THSD7B: variants seen among roughly 807,000 people sequenced by gnomAD.
The protein encoded by THSD7B is thrombospondin type 1 domain containing 7B, also known as thrombospondin type-1 domain-containing protein 7B.
Under a neutral mutation model 213.6 loss-of-function variants are expected in THSD7B, and 138 were observed. The ratio of observed to expected loss-of-function variants is 0.65; its 90% CI spans 0.56 to 0.74. The LOEUF is 0.74. Ranked by LOEUF, THSD7B falls within the 30% of genes least tolerant of loss-of-function variation. The pLI, the probability that THSD7B is intolerant of heterozygous loss-of-function variation, is 0.00. For missense variants in THSD7B, 1,931 were observed against 1,991.5 expected (o/e 0.97, Z 0.58); for synonymous variants, 742 against 687.0 (o/e 1.08, Z -1.25).
At position 137,405,740 on chromosome 2, in the gene THSD7B, T is replaced by G. The variant is rs749042404; in HGVS notation, c.2628T>G (p.Ala876=). 6.2e-7 allele frequency: 1 copy of G among 1,613,744 alleles called. No homozygotes were observed. The highest frequency in any genetic ancestry group is 1.1e-5 in the South Asian group (1 of 91,064). The change falls in exon 13 of 28, where the codon GCT becomes GCG. Residue 876 remains alanine, a synonymous_variant. Transcript: ENST00000409968. Reference sequence around the variant, plus strand: ...GTCGAGAAGACTGCACCTTCACTGCTTGGTCCAAGTTTACGCCCTGCTCCA... The same window carrying G: ...GTCGAGAAGACTGCACCTTCACTGCGTGGTCCAAGTTTACGCCCTGCTCCA... ...VPCREDCTFT[A]WSKFTPCSTN...
chr2:137,304,455 G>T (rs1683693571), intron 12 of THSD7B, among the ~76,000 whole-genome samples: 1 of 151,576 alleles, frequency 6.6e-6, no homozygotes, highest in Admixed American at 6.6e-5. Context: ...TCTAGATTTA[G>T]AAATAATAAT....
chr2:137,578,711 T>G (rs960146993), intron 17 of THSD7B, among the ~76,000 whole-genome samples: 2 of 152,164 alleles, frequency 1.3e-5, no homozygotes, highest in Non-Finnish European at 2.9e-5. Flanking sequence ...TGTCTAGGAC[T>G]GGTTATTGGC....
chr2:137,606,611 T>C lies in THSD7B; in HGVS notation c.3424-9564T>C, dbSNP rs1036314197. Among the ~76,000 whole-genome samples, 7 of 152,138 alleles carry C rather than the reference T, an allele frequency of 4.6e-5. 1 individual carries two copies. The highest frequency in any genetic ancestry group is 1.3e-4 in the Admixed American group (2 of 15,274). On this transcript the variant is annotated intron_variant, in intron 17 of 27. Transcript: ENST00000409968. ...CTAGAGAAAGACCCAGTACCCCTAC[T>C]CTGCTGGCAGAGACTGGAATTTTTG...
chr2:137,013,400 T>G (rs943588531), intron 2 of THSD7B, among the ~76,000 whole-genome samples: 1 of 152,076 alleles, frequency 6.6e-6, no homozygotes. Flanking sequence ...GCAAACTTCA[T>G]GAGTTGAGAA....
At chr2:136,876,287 G>A (rs1191596728) in intron 1 of THSD7B, among the ~76,000 whole-genome samples, 1 of 152,088 alleles carries the variant, frequency 6.6e-6, no homozygotes, top group African/African-American at 2.4e-5. Context: ...GCTTTCCCAG[G>A]GGTATATTTT....
intron 12 of THSD7B, among the ~76,000 whole-genome samples, chr2:137,365,400 G>T (rs376586739): frequency 3.9e-5 from 6 of 151,936 alleles, no homozygotes; most frequent in East Asian, 1.9e-4. Flanking sequence ...TGGGATCTAA[G>T]TAAACTAAAG....
Position 137,094,863 on chromosome 2 carries a change from T to C in THSD7B, c.951-10T>C. 6.2e-7 allele frequency: 1 copy of C among 1,607,666 alleles called. No homozygotes were observed. The highest frequency in any genetic ancestry group is 8.5e-7 in the Non-Finnish European group (1 of 1,175,348). ...TATGGCCTCCTATTTTCTACTTCTG[T>C]TTTTTTCAGCCTTTGCCTTCAAGAT... On this transcript the variant is annotated splice_polypyrimidine_tract_variant and intron_variant, in intron 3 of 27. Transcript: ENST00000409968.
At chr2:137,586,791 C>G (rs1054075641) in intron 17 of THSD7B, among the ~76,000 whole-genome samples, 2 of 152,104 alleles carry the variant, frequency 1.3e-5, no homozygotes, top group Non-Finnish European at 2.9e-5. Flanking sequence ...TTTCAACTTT[C>G]GTGAATCTGA....
chr2:137,140,075 G>C (rs2104962993), intron 5 of THSD7B, among the ~76,000 whole-genome samples: 1 of 151,442 alleles, frequency 6.6e-6, no homozygotes, highest in Non-Finnish European at 1.5e-5. Context: ...AATGTTGCCT[G>C]TCCTAAGAAT....
At chr2:137,546,385 ATTATATATATTATATATAT>A (rs1680715628) in intron 15 of THSD7B, among the ~76,000 whole-genome samples, 1 of 34,716 alleles carries the variant, frequency 2.9e-5, no homozygotes, top group African/African-American at 1.6e-4. Flanking sequence ...TAATATATAT[ATTATATATATTATATATAT>A]TATATATATA....
intron 7 of THSD7B, among the ~76,000 whole-genome samples, chr2:137,226,556 CAT>C (rs914753888): frequency 5.9e-5 from 9 of 151,482 alleles, no homozygotes; most frequent in Non-Finnish European, 1.2e-4. Context: ...TGAGTATATT[CAT>C]ATGTTAAGAA....
intron 1 of THSD7B, among the ~76,000 whole-genome samples, chr2:136,838,197 GT>G (rs566294803): frequency 6.6e-6 from 1 of 151,766 alleles, no homozygotes; most frequent in Non-Finnish European, 1.5e-5. Flanking sequence ...GACCACATTT[GT>G]TTTTTTTGTT....
intron 20 of THSD7B, among the ~76,000 whole-genome samples, chr2:137,630,369 C>G (rs1156763187): frequency 6.6e-6 from 1 of 152,114 alleles, no homozygotes; most frequent in Non-Finnish European, 1.5e-5. Flanking sequence ...TTTTTAAGCA[C>G]CTACCCTCAA....
chr2:136,868,425 G>C, intron 1 of THSD7B, among the ~76,000 whole-genome samples: 1 of 152,098 alleles, frequency 6.6e-6, no homozygotes, highest in Non-Finnish European at 1.5e-5. Flanking sequence ...TAATGGAAGA[G>C]ACTGCTAGAA....
At chr2:136,914,905 TAA>T (rs1256231302) in intron 2 of THSD7B, among the ~76,000 whole-genome samples, 1 of 152,192 alleles carries the variant, frequency 6.6e-6, no homozygotes, top group Non-Finnish European at 1.5e-5. Flanking sequence ...TATAACTGTA[TAA>T]TTTTGAGCTA....
At chr2:137,234,651 C>G (rs1042536970) in intron 9 of THSD7B, among the ~76,000 whole-genome samples, 1 of 152,112 alleles carries the variant, frequency 6.6e-6, no homozygotes, top group Non-Finnish European at 1.5e-5. Context: ...TTGTTCCAAC[C>G]CTAGTCTAGC....
At chr2:137,492,016 T>G (rs1023759439) in intron 15 of THSD7B, among the ~76,000 whole-genome samples, 5 of 152,204 alleles carry the variant, frequency 3.3e-5, no homozygotes, top group African/African-American at 7.2e-5. Context: ...GGTTTTGGTT[T>G]GAGCTAATCT....
chr2:137,149,017 G>A (rs1679761974), intron 5 of THSD7B, among the ~76,000 whole-genome samples: 1 of 152,140 alleles, frequency 6.6e-6, no homozygotes, highest in Non-Finnish European at 1.5e-5. Context: ...GTCTGGGAAG[G>A]AAAAATGATT....
At chr2:137,616,921 T>C (rs1054209516) in intron 18 of THSD7B, among the ~76,000 whole-genome samples, 4 of 152,216 alleles carry the variant, frequency 2.6e-5, no homozygotes, top group Admixed American at 2.0e-4. Context: ...GCAGCAGACA[T>C]TCCATAATGC....
Sources: allele counts gnomAD v4.1 joint callset (sites outside exome capture counted in the v4.1 genomes callset), GRCh38; gene constraint gnomAD v4.1.1; transcripts MANE v1.5; gene names NCBI Gene and HGNC (gene_info 2026-07-23, HGNC 2026-07-21).